The following HTR7 variants were observed in gnomAD, a reference collection of about 807,000 sequenced individuals.
The protein encoded by HTR7 is 5-hydroxytryptamine receptor 7.
In HTR7, 16 loss-of-function variants were observed where a neutral mutation model predicts 34.0. The ratio of observed to expected loss-of-function variants is 0.47; its 90% CI spans 0.32 to 0.71. The LOEUF (loss-of-function observed/expected upper bound fraction) is 0.71. Ranked by LOEUF, HTR7 falls within the 30% of genes least tolerant of loss-of-function variation. The probability of loss-of-function intolerance (pLI) is 0.04; values close to 1 mark genes in which losing one functional copy is unlikely to be tolerated. For missense variants in HTR7, 504 were observed against 625.5 expected, an observed-to-expected ratio of 0.81 and a Z score of 2.07; for synonymous variants, 265 against 260.2, an observed-to-expected ratio of 1.02 and a Z score of -0.18.
chr10:90,840,762 C>T (rs1353478695), intron 1 of HTR7, among the ~76,000 whole-genome samples: 1 of 152,164 alleles, frequency 6.6e-6, no homozygotes, highest in African/African-American at 2.4e-5. Context: ...CCTACACCAA[C>T]CCAATTAACT....
At chr10:90,830,199 A>G (rs1846144487) in intron 1 of HTR7, among the ~76,000 whole-genome samples, 1 of 152,250 alleles carries the variant, frequency 6.6e-6, no homozygotes, top group Non-Finnish European at 1.5e-5. Context: ...ATAAACTGTA[A>G]CAACAGTCTT....
intron 1 of HTR7, among the ~76,000 whole-genome samples, chr10:90,851,218 T>C (rs1245806058): frequency 6.6e-6 from 1 of 151,976 alleles, no homozygotes; most frequent in East Asian, 1.9e-4. Flanking sequence ...TCAACAGAAA[T>C]GATGGCAGTC....
At chr10:90,853,575 G>A (rs1448657747) in intron 1 of HTR7, among the ~76,000 whole-genome samples, 2 of 151,698 alleles carry the variant, frequency 1.3e-5, no homozygotes, top group Admixed American at 6.6e-5. Context: ...AAAGTGCTGG[G>A]ATTACAGTTG....
At chr10:90,843,208 T>C (rs545716946) in intron 1 of HTR7, among the ~76,000 whole-genome samples, 66 of 151,812 alleles carry the variant, frequency 4.3e-4, no homozygotes, top group African/African-American at 1.1e-3. Context: ...CTCCCTTCCT[T>C]CCGCAGTCAA....
At position 90,808,571 on chromosome 10, in the gene HTR7, CT is replaced by C. The variant is rs772410734; in HGVS notation, c.539+48561del. On this transcript the variant is annotated intron_variant, in intron 1 of 3. Transcript: ENST00000336152. Reference sequence around the variant, plus strand: ...CTGTTATATCTCTGCGCCCTGATCCCTTATTTCCATGCCCCGACCTTGTATC... The same window carrying C: ...CTGTTATATCTCTGCGCCCTGATCCCTATTTCCATGCCCCGACCTTGTATC... 1.7e-3 allele frequency among the ~76,000 whole-genome samples: 264 copies of C among 151,976 alleles called. 1 individual carries two copies. Among genetic ancestry groups the C allele is most frequent in the Non-Finnish European group, 2.6e-3 (179 of 67,968 alleles).
intron 1 of HTR7, among the ~76,000 whole-genome samples, chr10:90,794,418 A>G (rs1845507377): frequency 6.6e-6 from 1 of 152,158 alleles, no homozygotes; most frequent in African/African-American, 2.4e-5. Flanking sequence ...AGTATAGTAA[A>G]CATACAAACC....
chr10:90,831,706 G>A (rs778994321), intron 1 of HTR7, among the ~76,000 whole-genome samples: 3 of 152,094 alleles, frequency 2.0e-5, no homozygotes, highest in Non-Finnish European at 4.4e-5. Flanking sequence ...GTTTTGACAG[G>A]GTGCTGATTG....
intron 1 of HTR7, among the ~76,000 whole-genome samples, chr10:90,835,894 C>T (rs990914343): frequency 1.3e-5 from 2 of 151,954 alleles, no homozygotes; most frequent in African/African-American, 2.4e-5. Flanking sequence ...GGGTAGAGCA[C>T]TCCAAGCAGA....
At chr10:90,802,692 T>G (rs765584201) in intron 1 of HTR7, among the ~76,000 whole-genome samples, 2 of 152,216 alleles carry the variant, frequency 1.3e-5, no homozygotes, top group Non-Finnish European at 2.9e-5. Flanking sequence ...AAAGTTAAAA[T>G]CCCTTGTACA....
intron 1 of HTR7, among the ~76,000 whole-genome samples, chr10:90,780,430 G>A (rs887316922): frequency 2.0e-5 from 3 of 151,680 alleles, no homozygotes; most frequent in Non-Finnish European, 2.9e-5. Flanking sequence ...CCAGCTACTC[G>A]GGAGGCTGAG....
At chr10:90,792,583 C>T (rs905242417) in intron 1 of HTR7, among the ~76,000 whole-genome samples, 4 of 152,114 alleles carry the variant, frequency 2.6e-5, no homozygotes, top group South Asian at 2.1e-4. Context: ...TAACTAACTA[C>T]GGCTTGACTT....
intron 1 of HTR7, among the ~76,000 whole-genome samples, chr10:90,856,603 A>G (rs769299584): frequency 6.6e-5 from 10 of 152,236 alleles, no homozygotes; most frequent in Non-Finnish European, 1.3e-4. Flanking sequence ...GACTTCCACA[A>G]GCAAGAATGC....
chr10:90,796,138 A>G (rs564228137), intron 1 of HTR7, among the ~76,000 whole-genome samples: 57 of 152,308 alleles, frequency 3.7e-4, no homozygotes, highest in African/African-American at 1.3e-3. Flanking sequence ...CCTTCCTATC[A>G]TGGCCTGAAC....
At chr10:90,811,785 G>A (rs1201283661) in intron 1 of HTR7, among the ~76,000 whole-genome samples, 1 of 152,082 alleles carries the variant, frequency 6.6e-6, no homozygotes, top group African/African-American at 2.4e-5. Flanking sequence ...CTTATTCTAA[G>A]TAGACACTTT....
intron 2 of HTR7, among the ~76,000 whole-genome samples, chr10:90,747,984 C>G (rs781561937): frequency 5.3e-5 from 8 of 152,300 alleles, no homozygotes; most frequent in Admixed American, 1.3e-4. Context: ...TGGGTCACTT[C>G]TGAAATTTCC....
At chr10:90,761,920 T>C (rs1463801575) in intron 1 of HTR7, among the ~76,000 whole-genome samples, 1 of 152,206 alleles carries the variant, frequency 6.6e-6, no homozygotes, top group African/African-American at 2.4e-5. Flanking sequence ...TCACTTAGCA[T>C]AATGCCCTGA....
chr10:90,821,465 T>A (rs182070646), intron 1 of HTR7, among the ~76,000 whole-genome samples: 35 of 152,206 alleles, frequency 2.3e-4, no homozygotes, highest in Non-Finnish European at 4.1e-4. Flanking sequence ...AGGGGAATTG[T>A]CCCTGCCAGC....
intron 1 of HTR7, among the ~76,000 whole-genome samples, chr10:90,807,348 C>T (rs1845720377): frequency 6.6e-6 from 1 of 152,192 alleles, no homozygotes; most frequent in South Asian, 2.1e-4. Context: ...ACGTACACAC[C>T]CAGATGGCCT....
intron 1 of HTR7, among the ~76,000 whole-genome samples, chr10:90,830,980 C>A (rs1846160552): frequency 6.6e-6 from 1 of 152,206 alleles, no homozygotes; most frequent in African/African-American, 2.4e-5. Flanking sequence ...TCAGGCTCTG[C>A]CACTTAGCAG....
Sources: gnomAD v4.1 joint callset for allele counts (sites outside exome capture counted in the v4.1 genomes callset) on GRCh38, gnomAD v4.1.1 for gene constraint, MANE v1.5 for transcripts, NCBI Gene and HGNC (gene_info 2026-07-23, HGNC 2026-07-21) for gene names.